VRTN: variants seen among roughly 807,000 people sequenced by gnomAD.
The protein encoded by VRTN is vertnin.
VRTN carries 5 observed loss-of-function variants against 18.2 expected under a neutral mutation model. That is an observed-to-expected ratio of 0.27 (90% CI 0.14 to 0.58). The LOEUF is 0.58. Ranked by LOEUF, VRTN falls within the 20% of genes least tolerant of loss-of-function variation. The probability of loss-of-function intolerance (pLI) is 0.91; values close to 1 mark genes in which losing one functional copy is unlikely to be tolerated. For synonymous variants in VRTN, 381 were observed against 393.7 expected (o/e 0.97, Z 0.38); for missense variants, 741 against 939.4 (o/e 0.79, Z 2.76).
At chr14:74,323,862 T>G (rs2085471010) in intron 1 of VRTN, among the ~76,000 whole-genome samples, 1 of 152,134 alleles carries the variant, frequency 6.6e-6, no homozygotes, top group African/African-American at 2.4e-5. Flanking sequence ...TACTAAAAAA[T>G]TATTCATTAT....
At chr14:74,336,368 T>G (rs2085564444) in intron 1 of VRTN, among the ~76,000 whole-genome samples, 6 of 151,880 alleles carry the variant, frequency 4.0e-5, no homozygotes, top group Admixed American at 3.9e-4. Context: ...GATTGCACCA[T>G]TGCACTCCAG....
chr14:74,303,093 C>A (rs2085143273), exon 1 of VRTN: 2 of 551,586 alleles, frequency 3.6e-6, no homozygotes, highest in African/African-American at 2.0e-5. Context: ...GTGGACTCGG[C>A]TGACCCGGCG....
chr14:74,303,881 T>G (rs1343125784), intron 1 of VRTN, among the ~76,000 whole-genome samples: 1 of 140,698 alleles, frequency 7.1e-6, no homozygotes, highest in African/African-American at 2.9e-5. Context: ...TACGGAGTGT[T>G]GCTTTTGTTG....
chr14:74,350,314 A>G (rs1402098888), intron 1 of VRTN, among the ~76,000 whole-genome samples: 2 of 151,448 alleles, frequency 1.3e-5, no homozygotes. Flanking sequence ...TGTACCTCCT[A>G]CCTCTTTGGG....
chr14:74,343,838 C>G (rs1485566686), upstream of VRTN, among the ~76,000 whole-genome samples: 1 of 151,942 alleles, frequency 6.6e-6, no homozygotes, highest in African/African-American at 2.4e-5. Context: ...ACTCTGTCAC[C>G]AGGCTGGAGT....
In VRTN at chr14:74,348,549, G is replaced by A. The variant is rs2085659299; in HGVS notation, c.-105G>A. 6.6e-6 allele frequency: 1 copy of A among 152,344 alleles called. No homozygotes were observed. Among genetic ancestry groups the A allele is most frequent in the South Asian group, 2.1e-4 (1 of 4,826 alleles). The allele number at this position is 152,344 out of a possible 1,614,324, so 9.4% of individuals were successfully genotyped here. On this transcript the variant is annotated 5_prime_UTR_variant, in exon 1 of 2. Transcript: ENST00000256362. ...TCTGGAGTGAGACGAGCTCGGCTGG[G>A]GACGCTACTTGAGAAGGCCTTTCCC... is the stretch of plus-strand genomic sequence containing the variant.
At chr14:74,351,501 T>G (rs1029201951) in intron 1 of VRTN, among the ~76,000 whole-genome samples, 5 of 148,320 alleles carry the variant, frequency 3.4e-5, no homozygotes, top group South Asian at 4.3e-4. Context: ...CCAGGTTTTT[T>G]TTTTTTTTTT....
intron 2 of VRTN, among the ~76,000 whole-genome samples, chr14:74,338,263 A>G (rs1371865615): frequency 6.6e-6 from 1 of 152,222 alleles, no homozygotes; most frequent in Non-Finnish European, 1.5e-5. Flanking sequence ...ACTTAAAGCC[A>G]TGAATAATGT....
chr14:74,315,708 C>T (rs2085415634), intron 1 of VRTN, among the ~76,000 whole-genome samples: 1 of 152,168 alleles, frequency 6.6e-6, no homozygotes, highest in Non-Finnish European at 1.5e-5. Flanking sequence ...AAGAAAACTA[C>T]AGTGGGTGTC....
At chr14:74,328,417 A>G (rs2085501070) in intron 1 of VRTN, among the ~76,000 whole-genome samples, 1 of 152,098 alleles carries the variant, frequency 6.6e-6, no homozygotes. Context: ...AATTACCCCA[A>G]AATAAAAATA....
At chr14:74,306,166 ATATATAT>A (rs1273840726) in intron 1 of VRTN, 14,188 of 82,626 alleles carry the variant, frequency 0.17, 696 homozygotes, top group Middle Eastern at 0.29. Context: ...ATATATATAT[ATATATAT>A]TTTTTTTTTT....
intron 1 of VRTN, chr14:74,305,578 CA>C: frequency 5.4e-6 from 1 of 185,576 alleles, no homozygotes. Context: ...TATCATCTTC[CA>C]AAGAGAACAG....
At chr14:74,343,384 C>A (rs2140207692) in intron 2 of VRTN, among the ~76,000 whole-genome samples, 1 of 152,306 alleles carries the variant, frequency 6.6e-6, no homozygotes, top group South Asian at 2.1e-4. Context: ...CCTCAGCCTC[C>A]CAAAGGGCTG....
At chr14:74,310,570 C>T (rs2140191721) in intron 1 of VRTN, among the ~76,000 whole-genome samples, 2 of 137,878 alleles carry the variant, frequency 1.5e-5, no homozygotes, top group Admixed American at 1.5e-4. Context: ...CAGAGTCTTG[C>T]TCTGTCACCC....
At chr14:74,308,477 A>G (rs1320614408) in intron 1 of VRTN, among the ~76,000 whole-genome samples, 1 of 152,090 alleles carries the variant, frequency 6.6e-6, no homozygotes, top group Non-Finnish European at 1.5e-5. Context: ...ATCTGAACAA[A>G]TGTAAACCAG....
Position 74,357,092 on chromosome 14 carries a change from G to A in VRTN, c.309G>A (p.Glu103=). Residue 103 remains glutamate (E), a synonymous_variant, in exon 2 of 2, where the codon GAG becomes GAA. Transcript: ENST00000256362. This position sits in a 1 kb window ranked among gnomAD's most constrained non-coding sequence, Gnocchi z 7.8. ...GGGGTGACGCAGGCCTCAGCCTGGA[G>A]CTGCGGGCCCGCACCGTGGTAGAGA... ...LLWGDAGLSL[E]LRARTVVEML... 6.2e-7 allele frequency: 1 copy of A among 1,605,366 alleles called. No homozygotes were observed. The highest frequency in any genetic ancestry group is 8.5e-7 in the Non-Finnish European group (1 of 1,177,642).
chr14:74,344,179 G>A (rs1046733014), upstream of VRTN, among the ~76,000 whole-genome samples: 4 of 135,038 alleles, frequency 3.0e-5, no homozygotes, highest in East Asian at 4.7e-4. Flanking sequence ...GAGGCCAAAG[G>A]GGGAGGATCA....
At chr14:74,321,501 T>C in intron 1 of VRTN, among the ~76,000 whole-genome samples, 1 of 148,158 alleles carries the variant, frequency 6.7e-6, no homozygotes, top group African/African-American at 2.6e-5. Flanking sequence ...CTCTCTTTCA[T>C]TTGCTTTTTT....
At chr14:74,350,429 G>A (rs1270327662) in intron 1 of VRTN, among the ~76,000 whole-genome samples, 2 of 152,114 alleles carry the variant, frequency 1.3e-5, no homozygotes, top group Non-Finnish European at 2.9e-5. Flanking sequence ...TGTGCAAGAG[G>A]AAGTGTGGCA....
Sources: allele counts gnomAD v4.1 joint callset (sites outside exome capture counted in the v4.1 genomes callset), GRCh38; gene constraint gnomAD v4.1.1; non-coding constraint Gnocchi (gnomAD v3.1); transcripts MANE v1.5; gene names NCBI Gene and HGNC (gene_info 2026-07-23, HGNC 2026-07-21).